CAMK1D: variants seen among roughly 807,000 people sequenced by gnomAD.
The protein encoded by CAMK1D is calcium/calmodulin dependent protein kinase ID.
In CAMK1D, 9 loss-of-function variants were observed where a neutral mutation model predicts 47.7. That is an observed-to-expected ratio of 0.19 (90% confidence interval 0.11 to 0.33). CAMK1D has a LOEUF of 0.33. Among genes scored for constraint, CAMK1D ranks in the 10% least tolerant of loss-of-function variants. The pLI is 1.00. For synonymous variants in CAMK1D, 184 were observed against 184.9 expected, an observed-to-expected ratio of 0.99 and a Z score of 0.04; for missense variants, 291 against 488.7, an observed-to-expected ratio of 0.60 and a Z score of 3.81.
chr10:12,821,376 G>A (rs550821400), intron 8 of CAMK1D, among the ~76,000 whole-genome samples: 22 of 152,242 alleles, frequency 1.4e-4, no homozygotes, highest in East Asian at 7.7e-4. Flanking sequence ...AGTGTTCGCC[G>A]AACCCCCGCT....
intron 3 of CAMK1D, among the ~76,000 whole-genome samples, chr10:12,668,742 G>A (rs538358222): frequency 3.3e-5 from 5 of 152,148 alleles, no homozygotes; most frequent in Admixed American, 1.3e-4. Flanking sequence ...GCAACTTGGG[G>A]TTGTATACTA....
intron 5 of CAMK1D, among the ~76,000 whole-genome samples, chr10:12,778,093 A>G (rs1012874402): frequency 1.3e-5 from 2 of 152,220 alleles, no homozygotes; most frequent in African/African-American, 2.4e-5. Flanking sequence ...CCCTCAGGGC[A>G]ATCTATAGGT....
chr10:12,355,009 CT>C (rs760001503), intron 1 of CAMK1D, among the ~76,000 whole-genome samples: 5 of 151,516 alleles, frequency 3.3e-5, no homozygotes, highest in Non-Finnish European at 5.9e-5. Context: ...GCCTGGCTAA[CT>C]TTTTTATTTT....
intron 3 of CAMK1D, among the ~76,000 whole-genome samples, chr10:12,756,921 TC>T (rs1836257411): frequency 6.6e-6 from 1 of 152,204 alleles, no homozygotes. Context: ...AGACTCCGTC[TC>T]AAAATAAAAC....
intron 2 of CAMK1D, among the ~76,000 whole-genome samples, chr10:12,556,680 A>T (rs1374509420): frequency 6.6e-6 from 1 of 152,108 alleles, no homozygotes; most frequent in East Asian, 1.9e-4. Context: ...AAGGTTGGAG[A>T]GGTGGGATTG....
chr10:12,793,475 G>A (rs1312342863), intron 6 of CAMK1D, among the ~76,000 whole-genome samples: 1 of 152,216 alleles, frequency 6.6e-6, no homozygotes, highest in Non-Finnish European at 1.5e-5. Context: ...ACTAAGCAAT[G>A]ATGTCTTAGT....
At chr10:12,547,389 G>A (rs1414903768) in intron 1 of CAMK1D, among the ~76,000 whole-genome samples, 2 of 152,168 alleles carry the variant, frequency 1.3e-5, no homozygotes, top group East Asian at 1.9e-4. Context: ...GTGCCCAGAC[G>A]ACAGTTTCAG....
In CAMK1D at chr10:12,598,023, A is replaced by G. The variant is rs151040453; in HGVS notation, c.224+44667A>G. On this transcript the variant is annotated intron_variant, in intron 2 of 10. Transcript: ENST00000619168. ...CTGTCTTTGAAGAGCTGACATTAAG[A>G]TGGACGATGCCGTGAAACACACGCA... Among the ~76,000 whole-genome samples the G allele has an allele frequency of 2.9e-3, 446 of 152,360 alleles. 5 individuals carry two copies. The highest frequency in any genetic ancestry group is 2.8e-3 in the Non-Finnish European group (189 of 68,024).
At chr10:12,379,572 G>A (rs1838280976) in intron 1 of CAMK1D, among the ~76,000 whole-genome samples, 1 of 152,066 alleles carries the variant, frequency 6.6e-6, no homozygotes. Context: ...GGCCAACATG[G>A]TGAAACCCTG....
chr10:12,422,761 C>T (rs1452874941), intron 1 of CAMK1D, among the ~76,000 whole-genome samples: 3 of 151,988 alleles, frequency 2.0e-5, no homozygotes, highest in Non-Finnish European at 4.4e-5. Context: ...CAACCTCTGC[C>T]TCCTGGGTTC....
intron 1 of CAMK1D, among the ~76,000 whole-genome samples, chr10:12,445,935 CA>C (rs1314520018): frequency 1.3e-5 from 2 of 151,952 alleles, no homozygotes; most frequent in East Asian, 3.9e-4. Context: ...TAATTTTAGC[CA>C]TAACAAATTT....
chr10:12,731,721 A>C (rs1834892909), intron 3 of CAMK1D, among the ~76,000 whole-genome samples: 1 of 152,180 alleles, frequency 6.6e-6, no homozygotes, highest in Non-Finnish European at 1.5e-5. Flanking sequence ...TGAAAAGATG[A>C]CAGATGGAAA....
intron 1 of CAMK1D, among the ~76,000 whole-genome samples, chr10:12,376,335 C>G (rs1838181336): frequency 1.3e-5 from 2 of 152,074 alleles, no homozygotes; most frequent in East Asian, 3.9e-4. Flanking sequence ...GGCCTCCGGT[C>G]ACGTGACTAA....
intron 1 of CAMK1D, among the ~76,000 whole-genome samples, chr10:12,523,618 G>A (rs914714883): frequency 3.3e-5 from 5 of 152,210 alleles, no homozygotes; most frequent in Middle Eastern, 3.2e-3. Flanking sequence ...GGCGGATCAC[G>A]CCTGCAATCG....
At chr10:12,560,072 G>A (rs1041628974) in intron 2 of CAMK1D, among the ~76,000 whole-genome samples, 1 of 152,186 alleles carries the variant, frequency 6.6e-6, no homozygotes, top group African/African-American at 2.4e-5. Context: ...GCCAAAGAAA[G>A]CAACTGCTTT....
chr10:12,349,952 C>T, intron 1 of CAMK1D, 42 bp downstream of exon 1: 2 of 1,266,920 alleles, frequency 1.6e-6, no homozygotes, highest in Non-Finnish European at 2.2e-6. Context: ...GTGGCCGCGG[C>T]AGGGGCTGCA....
chr10:12,506,667 C>T lies in CAMK1D; in HGVS notation c.93-46558C>T, dbSNP rs544312184. Among the ~76,000 whole-genome samples the T allele has an allele frequency of 3.1e-4, 47 of 152,130 alleles. No homozygotes were observed. The South Asian group carries it at 4.6e-3, about 15-fold the overall frequency. Reference sequence around the variant, plus strand: ...ACGAGTAGCTGGGACTACAGGCGTCCGCCACCACGCCCGGCTAGTTTTTTG... The same window carrying T: ...ACGAGTAGCTGGGACTACAGGCGTCTGCCACCACGCCCGGCTAGTTTTTTG... On this transcript the variant is annotated intron_variant, in intron 1 of 10. Transcript: ENST00000619168.
chr10:12,475,375 C>T (rs190249149), intron 1 of CAMK1D, among the ~76,000 whole-genome samples: 1 of 152,274 alleles, frequency 6.6e-6, no homozygotes, highest in East Asian at 1.9e-4. Flanking sequence ...TGGAGTCATA[C>T]TGTATGTGTC....
intron 3 of CAMK1D, among the ~76,000 whole-genome samples, chr10:12,733,778 G>A (rs1835005477): frequency 6.6e-6 from 1 of 152,176 alleles, no homozygotes; most frequent in Non-Finnish European, 1.5e-5. Context: ...GATGGTTCCT[G>A]AATTGAATTT....
Sources: gnomAD v4.1 joint callset for allele counts (sites outside exome capture counted in the v4.1 genomes callset) on GRCh38, gnomAD v4.1.1 for gene constraint, MANE v1.5 for transcripts, NCBI Gene and HGNC (gene_info 2026-07-23, HGNC 2026-07-21) for gene names.